JDP2: variants seen among roughly 807,000 people sequenced by gnomAD.
JDP2 encodes progesterone receptor co-activator.
In JDP2, 9 loss-of-function variants were observed where a neutral mutation model predicts 17.1. The observed-to-expected ratio is 0.53, with a 90% confidence interval of 0.32 to 0.92. JDP2 has a LOEUF of 0.92. JDP2 is among the 40% of genes least tolerant of loss of function. JDP2 has a pLI of 0.04. For missense variants in JDP2, 179 were observed against 220.0 expected (o/e 0.81, Z 1.18); for synonymous variants, 107 against 95.6 (o/e 1.12, Z -0.69).
In JDP2 at chr14:75,472,950, C is replaced by T. The variant is rs6574235; in HGVS notation, c.*3475C>T. 78,225 of 152,042 alleles carry T rather than the reference C, an allele frequency of 0.51. 20,701 individuals are homozygous for T. The highest frequency in any genetic ancestry group is 0.57 in the Non-Finnish European group (39,075 of 67,976). The allele number at this position is 152,042 out of a possible 1,614,324, so 9.4% of individuals were successfully genotyped here. A position where few individuals can be genotyped will look rare whatever the true frequency, so the allele number is the denominator to read the frequency against. On this transcript the variant is annotated 3_prime_UTR_variant, in exon 4 of 4. Transcript: ENST00000651602. ...AGTGTGCCCTCCTGCCAGGTGGTCA[C>T]ACATAAGACCTGTGCCACCTCTGCC...
At chr14:75,442,407 A>G (rs534316872) in intron 2 of JDP2, among the ~76,000 whole-genome samples, 1 of 151,968 alleles carries the variant, frequency 6.6e-6, no homozygotes, top group South Asian at 2.1e-4. Flanking sequence ...CCCACTACTC[A>G]CTGATGTCTT....
chr14:75,446,144 A>AG (rs201959406), intron 2 of JDP2, among the ~76,000 whole-genome samples: 1 of 151,998 alleles, frequency 6.6e-6, no homozygotes, highest in Non-Finnish European at 1.5e-5. Flanking sequence ...AGTGAAAAAA[A>AG]AGAGATAATA....
Position 75,472,190 on chromosome 14 carries a change from CTCAA to C in JDP2, c.*2716_*2719del. ...GCACCTGCCACTGTGCATGTGTGAC[CTCAA>C]CTGCTTTGTGCACCCTGACTGGGGG... On this transcript the variant is annotated 3_prime_UTR_variant, in exon 4 of 4. Transcript: ENST00000651602. 1 of 152,228 alleles carries C rather than the reference CTCAA, an allele frequency of 6.6e-6. No homozygotes were observed. The highest frequency in any genetic ancestry group is 1.9e-4 in the East Asian group (1 of 5,200). The allele number at this position is 152,228 out of a possible 1,614,324, so 9.4% of individuals were successfully genotyped here. A position where few individuals can be genotyped will look rare whatever the true frequency, so the allele number is the denominator to read the frequency against.
Position 75,469,709 on chromosome 14 carries a change from C to T in JDP2, c.*234C>T, listed in dbSNP as rs1004802400. On this transcript the variant is annotated 3_prime_UTR_variant, in exon 4 of 4. Coordinates refer to ENST00000651602, the MANE Select transcript of JDP2 (RefSeq NM_001135048.2). Reference sequence around the variant, plus strand: ...AAGCGCTGAGACCAAAGTTGACCCTCGGGTAGGGTTGTCCTGCCTGGGGCC... The same window carrying T: ...AAGCGCTGAGACCAAAGTTGACCCTTGGGTAGGGTTGTCCTGCCTGGGGCC... The T allele has an allele frequency of 5.3e-5, 27 of 508,892 alleles. No individual in the cohort carries two copies. Among genetic ancestry groups the T allele is most frequent in the South Asian group, 1.9e-4 (8 of 41,414 alleles). 31.5% of individuals were successfully genotyped at this position (508,892 alleles called of 1,614,324 possible). A position where few individuals can be genotyped will look rare whatever the true frequency, so the allele number is the denominator to read the frequency against.
At position 75,438,062 on chromosome 14, in the gene JDP2, G is replaced by A; in HGVS notation, c.142G>A (p.Ala48Thr). The change falls in exon 2 of 4, where the codon GCA becomes ACA. Residue 48 changes from alanine to threonine, a missense_variant. Coordinates refer to ENST00000651602, the MANE Select transcript of JDP2 (RefSeq NM_001135048.2). ...CATCCGCAACCTCGGGGCCATGATT[G>A]CACCCTTGCACTTCCTGGAGGTGAA... is the stretch of plus-strand genomic sequence containing the variant. The part of the protein sequence containing the change: ...ADIRNLGAMI[A>T]PLHFLEVKLG... 6.2e-7 allele frequency: 1 copy of A among 1,613,880 alleles called. No homozygotes were observed.
Position 75,469,647 on chromosome 14 carries a change from C to T in JDP2, c.*172C>T. 3.2e-6 allele frequency: 2 copies of T among 619,496 alleles called. No homozygotes were observed. The highest frequency in any genetic ancestry group is 5.6e-6 in the Non-Finnish European group (2 of 359,926). The allele number at this position is 619,496 out of a possible 1,614,324, so 38.4% of individuals were successfully genotyped here. On this transcript the variant is annotated 3_prime_UTR_variant, in exon 4 of 4. Transcript: ENST00000651602. ...TTTTGTGAAACTCAGATCAGCCACC[C>T]AGGAGGAAGAGCGGGCTGAGGAAAC... is the stretch of plus-strand genomic sequence containing the variant.
intron 3 of JDP2, among the ~76,000 whole-genome samples, chr14:75,466,745 A>C (rs994203439): frequency 6.6e-6 from 1 of 152,062 alleles, no homozygotes; most frequent in Non-Finnish European, 1.5e-5. Context: ...ACTGTACCCA[A>C]AACAAACTCC....
intron 2 of JDP2, among the ~76,000 whole-genome samples, chr14:75,456,093 G>T (rs1026364076): frequency 2.6e-4 from 40 of 152,306 alleles, no homozygotes; most frequent in Middle Eastern, 3.4e-3. Context: ...TCTTTCAGTG[G>T]CATGTGGCAG....
chr14:75,468,052 C>G (rs373804194), intron 3 of JDP2, among the ~76,000 whole-genome samples: 152 of 152,244 alleles, frequency 1.0e-3, no homozygotes, highest in African/African-American at 3.5e-3. Context: ...TTCTGGGGAC[C>G]CCCTGGGGAG....
chr14:75,439,762 C>T (rs1885249176), intron 2 of JDP2, among the ~76,000 whole-genome samples: 2 of 152,346 alleles, frequency 1.3e-5, no homozygotes, highest in Non-Finnish European at 2.9e-5. Context: ...TCTGTCTTCA[C>T]GATGGAGGGT....
At chr14:75,433,568 GT>G (rs1884918805) in intron 1 of JDP2, among the ~76,000 whole-genome samples, 1 of 120,660 alleles carries the variant, frequency 8.3e-6, no homozygotes, top group Non-Finnish European at 1.7e-5. Context: ...TTTTTTTCAA[GT>G]TCTTTCCTCT....
intron 1 of JDP2, among the ~76,000 whole-genome samples, chr14:75,434,376 G>T (rs1375584309): frequency 6.6e-6 from 1 of 152,136 alleles, no homozygotes; most frequent in Non-Finnish European, 1.5e-5. Context: ...CCTAGGAATG[G>T]CATGGCTGAG....
chr14:75,434,694 G>A (rs556820560), intron 1 of JDP2, among the ~76,000 whole-genome samples: 17 of 152,164 alleles, frequency 1.1e-4, no homozygotes, highest in East Asian at 9.7e-4. Flanking sequence ...TATCATTCCC[G>A]GAACAGAATG....
intron 1 of JDP2, among the ~76,000 whole-genome samples, chr14:75,434,083 T>A (rs1441046323): frequency 3.3e-5 from 5 of 152,248 alleles, no homozygotes; most frequent in Admixed American, 3.3e-4. Flanking sequence ...TAAGTCTTCC[T>A]TGAAGTGGGT....
intron 1 of JDP2, among the ~76,000 whole-genome samples, chr14:75,437,641 G>A (rs1304891305): frequency 1.3e-5 from 2 of 152,250 alleles, no homozygotes; most frequent in Admixed American, 6.5e-5. Flanking sequence ...TGTTGCCTAT[G>A]ATTGGGTCAA....
intron 2 of JDP2, among the ~76,000 whole-genome samples, chr14:75,457,324 G>A (rs2139986711): frequency 6.6e-6 from 1 of 152,388 alleles, no homozygotes; most frequent in Admixed American, 6.5e-5. Context: ...TGACTCTGGG[G>A]ACGAAGGAGC....
intron 1 of JDP2, among the ~76,000 whole-genome samples, chr14:75,436,966 G>A (rs747298123): frequency 6.6e-6 from 1 of 152,150 alleles, no homozygotes; most frequent in Non-Finnish European, 1.5e-5. Flanking sequence ...GGCCAAGGTG[G>A]GCAGATCATT....
chr14:75,434,295 C>A (rs2140037884), intron 1 of JDP2, among the ~76,000 whole-genome samples: 1 of 152,358 alleles, frequency 6.6e-6, no homozygotes, highest in South Asian at 2.1e-4. Flanking sequence ...GCTCCTCCAT[C>A]TTCTATCCCC....
chr14:75,450,151 G>A (rs778434205), intron 2 of JDP2, among the ~76,000 whole-genome samples: 10 of 152,226 alleles, frequency 6.6e-5, no homozygotes, highest in Non-Finnish European at 1.2e-4. Flanking sequence ...CGAGGAGACT[G>A]AGGAGTCAGT....
Sources: allele counts gnomAD v4.1 joint callset (sites outside exome capture counted in the v4.1 genomes callset), GRCh38; gene constraint gnomAD v4.1.1; transcripts MANE v1.5; gene names NCBI Gene and HGNC (gene_info 2026-07-23, HGNC 2026-07-21).